TBC1D26: variants seen among roughly 807,000 people sequenced by gnomAD.
TBC1D26 encodes TBC1 domain family, member 26.
Under a neutral mutation model 42.5 loss-of-function variants are expected in TBC1D26, and 19 were observed. The ratio of observed to expected loss-of-function variants is 0.45; its 90% CI spans 0.31 to 0.66. The LOEUF (loss-of-function observed/expected upper bound fraction) is 0.66, where lower values mean the gene tolerates loss of function less well. Among genes scored for constraint, TBC1D26 ranks in the 30% least tolerant of loss-of-function variants. TBC1D26 has a pLI of 0.06. For missense variants in TBC1D26, 228 were observed against 332.6 expected (o/e 0.69, Z 2.45); for synonymous variants, 97 against 123.5 (o/e 0.79, Z 1.42).
intron 4 of TBC1D26, among the ~76,000 whole-genome samples, chr17:15,736,817 G>A (rs3888623): frequency 0.19 from 28,136 of 150,176 alleles, 499 homozygotes; most frequent in East Asian, 0.26. Context: ...GGGTGTGGAC[G>A]GATCTGGGAG....
At position 15,742,039 on chromosome 17, in the gene TBC1D26, G is replaced by A; in HGVS notation, c.741+3G>A. On this transcript the variant is annotated splice_donor_region_variant and intron_variant, in intron 11 of 14. Coordinates refer to ENST00000437605, the MANE Select transcript of TBC1D26 (RefSeq NM_001388465.1). ...TCCCAAAGATCATGAGACACCTGGTGAGTGGATGACACCCTCAGCTCCTAA... is the reference window on the plus strand; with the variant it reads ...TCCCAAAGATCATGAGACACCTGGTAAGTGGATGACACCCTCAGCTCCTAA... The A allele has an allele frequency of 6.2e-7, 1 of 1,613,498 alleles. No individual in the cohort carries two copies. The highest frequency in any genetic ancestry group is 8.5e-7 in the Non-Finnish European group (1 of 1,179,566).
intron 5 of TBC1D26, 40 bp downstream of exon 5, chr17:15,737,563 G>A (rs1207054689): frequency 6.2e-7 from 1 of 1,606,846 alleles, no homozygotes. Flanking sequence ...CTGCTTCAGG[G>A]ACTGGGAATC....
chr17:15,739,220 C>T (rs1383883040), intron 8 of TBC1D26, among the ~76,000 whole-genome samples: 5 of 150,884 alleles, frequency 3.3e-5, no homozygotes, highest in South Asian at 2.1e-4. Flanking sequence ...TGCGGGGCCC[C>T]GGAAACTCTC....
Position 15,735,693 on chromosome 17 carries a change from C to A in TBC1D26, c.158+14C>A. 2.0e-6 allele frequency: 1 copy of A among 506,034 alleles called. No individual in the cohort carries two copies. The allele number at this position is 506,034 out of a possible 1,614,324, so 31.3% of individuals were successfully genotyped here. ...CGGGATTGTGCAGTAAGTCCTCTGT[C>A]CCCCCGACCCCAGCCACCAATCTCA... On this transcript the variant is annotated intron_variant, in intron 4 of 14. Coordinates refer to ENST00000437605, the MANE Select transcript of TBC1D26 (RefSeq NM_001388465.1).
At chr17:15,738,101 G>T (rs199778054) in intron 6 of TBC1D26, 24 bp downstream of exon 6, 1 of 1,610,334 alleles carries the variant, frequency 6.2e-7, no homozygotes, top group Non-Finnish European at 8.5e-7. Context: ...GAAGTGGCCC[G>T]CGTGACTGCT....
intron 12 of TBC1D26, 56 bp from the exon 13 acceptor site, chr17:15,742,853 G>A (rs1189333408): frequency 6.5e-6 from 1 of 153,450 alleles, no homozygotes; most frequent in Non-Finnish European, 1.5e-5. Context: ...GCTCTGCTCA[G>A]GCCACTGGCC....
intron 1 of TBC1D26, among the ~76,000 whole-genome samples, chr17:15,732,640 G>C (rs1490235794): frequency 6.6e-6 from 1 of 152,002 alleles, no homozygotes; most frequent in Admixed American, 6.6e-5. Context: ...TGTGCTCTCA[G>C]CCCTGCCCTG....
chr17:15,737,247 C>CCCA (rs1567723552), intron 4 of TBC1D26, among the ~76,000 whole-genome samples: 7 of 152,228 alleles, frequency 4.6e-5, no homozygotes, highest in Non-Finnish European at 7.3e-5. Context: ...AGGCACCCCA[C>CCCA]GGGCTTCAAG....
intron 8 of TBC1D26, 74 bp from the exon 9 acceptor site, chr17:15,740,026 G>A: frequency 6.4e-7 from 1 of 1,553,250 alleles, no homozygotes; most frequent in Non-Finnish European, 8.7e-7. Flanking sequence ...TCGTTATTTG[G>A]GTTTGTAGAC....
intron 8 of TBC1D26, 30 bp downstream of exon 8, chr17:15,738,860 A>G (rs1567724128): frequency 6.2e-7 from 1 of 1,608,784 alleles, no homozygotes; most frequent in African/African-American, 1.3e-5. Context: ...CAGGGGTCCC[A>G]GGGAAGATGG....
At chr17:15,737,592 AGG>A in intron 5 of TBC1D26, 69 bp downstream of exon 5, 1 of 1,593,666 alleles carries the variant, frequency 6.3e-7, no homozygotes. Context: ...GGTAAGGCAG[AGG>A]GGGTGGCCTG....
chr17:15,734,367 A>G (rs1967554641), intron 1 of TBC1D26, among the ~76,000 whole-genome samples: 1 of 152,144 alleles, frequency 6.6e-6, no homozygotes, highest in Admixed American at 6.5e-5. Context: ...AGGAGGTCTC[A>G]CCAACTCAGA....
At chr17:15,741,682 C>T (rs1169038950) in intron 10 of TBC1D26, 3 of 535,940 alleles carry the variant, frequency 5.6e-6, no homozygotes, top group Non-Finnish European at 6.6e-6. Flanking sequence ...CCCCAGCTCC[C>T]ACCCTGTTCT....
chr17:15,741,587 A>T, intron 10 of TBC1D26: 1 of 457,740 alleles, frequency 2.2e-6, no homozygotes, highest in Non-Finnish European at 3.9e-6. Flanking sequence ...CTCCCTACAG[A>T]TGGGCCAACA....
chr17:15,733,651 A>G (rs1431715522), intron 1 of TBC1D26: 1 of 152,288 alleles, frequency 6.6e-6, no homozygotes, highest in Non-Finnish European at 1.5e-5. Flanking sequence ...CTGCTCGTGC[A>G]CACACATGTT....
intron 9 of TBC1D26, chr17:15,740,452 T>C: frequency 7.4e-7 from 1 of 1,350,602 alleles, no homozygotes; most frequent in African/African-American, 1.5e-5. Context: ...GACAAGTTGC[T>C]GAGGTGCCTG....
intron 14 of TBC1D26, 23 bp downstream of exon 14, chr17:15,743,539 C>A: frequency 1.0e-6 from 1 of 960,894 alleles, no homozygotes; most frequent in South Asian, 4.6e-5. Flanking sequence ...ACCAGGTACC[C>A]TCTGGAGTCA....
In TBC1D26 at chr17:15,741,124, G is replaced by C. The variant is rs772705462; in HGVS notation, c.549G>C (p.Glu183Asp). Reference sequence around the variant, plus strand: ...CACGGTGACTCTGGCTCTTGCAGGAGGTGGGCTACCACAGGGACCTGAGCC... The same window carrying C: ...CACGGTGACTCTGGCTCTTGCAGGACGTGGGCTACCACAGGGACCTGAGCC... ...ILVAYSAYNP[E>D]VGYHRDLSRI... Residue 183 changes from glutamate to aspartate, a missense_variant and splice_region_variant, in exon 10 of 15, where the codon GAG becomes GAC. Around this residue, in one of 5 missense-constraint regions of TBC1D26, gnomAD observed 130 missense variants for 168.5 expected, o/e 0.77. Coordinates refer to ENST00000437605, the MANE Select transcript of TBC1D26 (RefSeq NM_001388465.1). 1.9e-6 allele frequency: 3 copies of C among 1,610,514 alleles called. No homozygotes were observed. In the South Asian group the frequency reaches 3.3e-5, roughly 18 times the overall value.
At chr17:15,742,708 T>C (rs1967822866) in intron 12 of TBC1D26, among the ~76,000 whole-genome samples, 1 of 152,200 alleles carries the variant, frequency 6.6e-6, no homozygotes. Flanking sequence ...CAGGAAGCCC[T>C]CTTTCCAGAA....
Sources: allele counts gnomAD v4.1 joint callset (sites outside exome capture counted in the v4.1 genomes callset), GRCh38; gene constraint gnomAD v4.1.1; regional missense constraint gnomAD v4.1.1; transcripts MANE v1.5; gene names NCBI Gene and HGNC (gene_info 2026-07-23, HGNC 2026-07-21).